ZFHX4: variants seen among roughly 807,000 people sequenced by gnomAD.
ZFHX4 encodes zinc finger homeobox 4, also known as zinc finger homeobox protein 4.
Under a neutral mutation model 267.6 loss-of-function variants are expected in ZFHX4, and 56 were observed. The observed-to-expected ratio is 0.21, with a 90% CI of 0.17 to 0.26. The LOEUF (loss-of-function observed/expected upper bound fraction) is 0.26. Ranked by LOEUF, ZFHX4 falls within the 10% of genes least tolerant of loss-of-function variation. The pLI, the probability that ZFHX4 is intolerant of heterozygous loss-of-function variation, is 1.00. For missense variants in ZFHX4, 4,332 were observed against 4,420.0 expected (o/e 0.98, Z 0.56); for synonymous variants, 1,778 against 1,665.6 (o/e 1.07, Z -1.64).
In ZFHX4 at chr8:76,851,263, C is replaced by A; in HGVS notation, c.4342C>A (p.His1448Asn). The change falls in exon 10 of 11, where the codon CAC (histidine) becomes AAC (asparagine). Residue 1448 changes from histidine to asparagine, a missense_variant. By Grantham distance (68) the His-to-Asn change is moderately conservative. Coordinates refer to ENST00000651372, the MANE Select transcript of ZFHX4 (RefSeq NM_024721.5). ...TTTAAAAAAACACTTGGAAGCAGGC[C>A]ACCCTGAACTGAGTGAAGCTGAACT... ...QALKKHLEAG[H>N]PELSEAELQQ... 3.7e-6 allele frequency: 6 copies of A among 1,613,800 alleles called. No homozygotes were observed. Among genetic ancestry groups the A allele is most frequent in the Non-Finnish European group, 5.1e-6 (6 of 1,179,828 alleles).
At chr8:76,732,440 TG>T (rs1809046176) in intron 3 of ZFHX4, among the ~76,000 whole-genome samples, 2 of 151,942 alleles carry the variant, frequency 1.3e-5, no homozygotes, top group African/African-American at 4.8e-5. Context: ...AAATTTAAAA[TG>T]TAGCTAAAAA....
intron 3 of ZFHX4, among the ~76,000 whole-genome samples, chr8:76,762,258 G>C (rs1300402818): frequency 6.6e-6 from 1 of 151,938 alleles, no homozygotes; most frequent in Non-Finnish European, 1.5e-5. Flanking sequence ...CAGGAGAAAA[G>C]AAAAAGGTAT....
At chr8:76,700,299 G>A (rs1405122089) in intron 1 of ZFHX4, among the ~76,000 whole-genome samples, 1 of 152,072 alleles carries the variant, frequency 6.6e-6, no homozygotes, top group Non-Finnish European at 1.5e-5. Context: ...CCAGCACTTA[G>A]CAGAGTGGCT....
At chr8:76,690,323 A>G (rs938389186) in intron 1 of ZFHX4, among the ~76,000 whole-genome samples, 1 of 152,238 alleles carries the variant, frequency 6.6e-6, no homozygotes, top group South Asian at 2.1e-4. Flanking sequence ...GGAAATCCAT[A>G]GTTCTAACAA....
chr8:76,862,240 G>A (rs1287346738), intron 10 of ZFHX4, among the ~76,000 whole-genome samples: 3 of 152,154 alleles, frequency 2.0e-5, no homozygotes, highest in African/African-American at 7.2e-5. Flanking sequence ...TAGGAGTTAT[G>A]CTGTACCCAC....
At chr8:76,718,780 C>T (rs925892623) in intron 3 of ZFHX4, among the ~76,000 whole-genome samples, 22 of 151,896 alleles carry the variant, frequency 1.4e-4, no homozygotes, top group African/African-American at 3.4e-4. Context: ...TCCACATTTC[C>T]TTAGATGTAT....
intron 3 of ZFHX4, among the ~76,000 whole-genome samples, chr8:76,777,813 T>C (rs933982305): frequency 1.3e-5 from 2 of 152,066 alleles, no homozygotes; most frequent in African/African-American, 2.4e-5. Context: ...ACCTCATTCA[T>C]GTCAACCTAA....
chr8:76,822,983 C>T (rs1343864072), intron 4 of ZFHX4, among the ~76,000 whole-genome samples: 1 of 152,124 alleles, frequency 6.6e-6, no homozygotes, highest in Non-Finnish European at 1.5e-5. Flanking sequence ...AATTCATGTT[C>T]AAAATTGAGC....
chr8:76,844,126 T>A (rs1017644928), intron 6 of ZFHX4, among the ~76,000 whole-genome samples: 1 of 152,168 alleles, frequency 6.6e-6, no homozygotes, highest in African/African-American at 2.4e-5. Flanking sequence ...TACCTAGTGA[T>A]AAGTTAATAT....
intron 3 of ZFHX4, among the ~76,000 whole-genome samples, chr8:76,770,813 T>A (rs905419395): frequency 1.3e-5 from 2 of 152,062 alleles, no homozygotes; most frequent in Non-Finnish European, 2.9e-5. Context: ...CTGAGGGAAT[T>A]CTGGAAGCTG....
At chr8:76,857,423 A>C (rs2131967710) in intron 10 of ZFHX4, among the ~76,000 whole-genome samples, 1 of 150,764 alleles carries the variant, frequency 6.6e-6, no homozygotes, top group African/African-American at 2.4e-5. Context: ...TCATTTTTAC[A>C]AGTTGAATTT....
At chr8:76,755,852 A>G (rs1256701198) in intron 3 of ZFHX4, among the ~76,000 whole-genome samples, 2 of 152,254 alleles carry the variant, frequency 1.3e-5, no homozygotes, top group Middle Eastern at 3.4e-3. Flanking sequence ...CAGCATTGCT[A>G]TAATGATCTC....
chr8:76,822,628 A>G (rs1346993469), intron 4 of ZFHX4, among the ~76,000 whole-genome samples: 2 of 151,644 alleles, frequency 1.3e-5, no homozygotes, highest in Non-Finnish European at 1.5e-5. Flanking sequence ...TTTGTTGTAG[A>G]GATGGGGTCT....
intron 10 of ZFHX4, among the ~76,000 whole-genome samples, chr8:76,858,066 A>G (rs1171663639): frequency 2.0e-5 from 3 of 152,184 alleles, no homozygotes; most frequent in Non-Finnish European, 2.9e-5. Flanking sequence ...TGTCATCCCA[A>G]TAAGTGGTGG....
chr8:76,822,386 G>T (rs906855842), intron 4 of ZFHX4, among the ~76,000 whole-genome samples: 25 of 148,236 alleles, frequency 1.7e-4, no homozygotes, highest in Non-Finnish European at 2.8e-4. Flanking sequence ...TTTTATACTT[G>T]TGATTCCAAG....
chr8:76,708,007 A>G lies in ZFHX4; in HGVS notation c.3052A>G (p.Thr1018Ala). The change falls in exon 3 of 11, where the codon ACC becomes GCC. Residue 1018 changes from threonine to alanine, a missense_variant. This residue lies in a region of ZFHX4 where 1,371 missense variants were observed against 1,423.1 expected (regional missense o/e 0.96). Transcript: ENST00000651372. ...CAGTGTGGATAAATTACGCTTGCAT[A>G]CCACCAATCACAGGCACGAGGCGGC... Reference protein sequence around the residue: ...TNSVDKLRLHTTNHRHEAALK... With the variant: ...TNSVDKLRLHATNHRHEAALK... The G allele has an allele frequency of 6.2e-7, 1 of 1,613,920 alleles. No homozygotes were observed. Among genetic ancestry groups the G allele is most frequent in the Non-Finnish European group, 8.5e-7 (1 of 1,179,898 alleles).
intron 3 of ZFHX4, among the ~76,000 whole-genome samples, chr8:76,740,964 A>C (rs566173883): frequency 6.6e-6 from 1 of 152,290 alleles, no homozygotes; most frequent in Non-Finnish European, 1.5e-5. Context: ...AATTGAATTT[A>C]TAGATATATT....
At chr8:76,716,185 G>C (rs1808566411) in intron 3 of ZFHX4, among the ~76,000 whole-genome samples, 2 of 152,050 alleles carry the variant, frequency 1.3e-5, no homozygotes, top group Admixed American at 1.3e-4. Context: ...TTTATCGATA[G>C]AGTTGGCAAT....
At chr8:76,802,826 CAAT>C (rs985242942) in intron 4 of ZFHX4, among the ~76,000 whole-genome samples, 3 of 152,054 alleles carry the variant, frequency 2.0e-5, no homozygotes, top group African/African-American at 7.2e-5. Context: ...TTTTGAGAGT[CAAT>C]AATGTTTTTC....
Sources: gnomAD v4.1 joint callset for allele counts (sites outside exome capture counted in the v4.1 genomes callset) on GRCh38, gnomAD v4.1.1 for gene constraint, gnomAD v4.1.1 regional missense constraint, MANE v1.5 for transcripts, NCBI Gene and HGNC (gene_info 2026-07-23, HGNC 2026-07-21) for gene names.